Variants in PCSK5 observed in about 807,000 individuals in gnomAD.
PCSK5 encodes the protein prohormone convertase 5.
Under a neutral mutation model 233.2 loss-of-function variants are expected in PCSK5, and 129 were observed. The ratio of observed to expected loss-of-function variants is 0.55; its 90% confidence interval spans 0.48 to 0.64. The LOEUF (loss-of-function observed/expected upper bound fraction) is 0.64, where lower values mean the gene tolerates loss of function less well. Ranked by LOEUF, PCSK5 falls within the 30% of genes least tolerant of loss-of-function variation. PCSK5 has a pLI of 0.00. For missense variants in PCSK5, 2,076 were observed against 2,430.1 expected (o/e 0.85, Z 3.06); for synonymous variants, 825 against 879.2 (o/e 0.94, Z 1.09).
At chr9:76,106,698 C>T (rs553663678) in intron 8 of PCSK5, among the ~76,000 whole-genome samples, 74 of 152,280 alleles carry the variant, frequency 4.9e-4, no homozygotes, top group Non-Finnish European at 8.2e-4. Context: ...TGCAACATTT[C>T]TATTGATTCT....
intron 1 of PCSK5, among the ~76,000 whole-genome samples, chr9:75,906,599 G>A (rs1293998074): frequency 6.6e-6 from 1 of 152,146 alleles, no homozygotes; most frequent in Admixed American, 6.5e-5. Context: ...AAAGGAGATG[G>A]CAAATGCAAA....
intron 24 of PCSK5, among the ~76,000 whole-genome samples, chr9:76,255,743 G>A (rs1357325652): frequency 6.6e-6 from 1 of 152,164 alleles, no homozygotes; most frequent in Admixed American, 6.5e-5. Context: ...GCTGAGGCAG[G>A]AGGATTGGTT....
intron 7 of PCSK5, among the ~76,000 whole-genome samples, chr9:76,077,588 G>T (rs1411632826): frequency 5.9e-5 from 9 of 152,046 alleles, no homozygotes; most frequent in Non-Finnish European, 1.5e-5. Context: ...TGCAGTGTCT[G>T]TTGTTCCCAT....
intron 20 of PCSK5, among the ~76,000 whole-genome samples, chr9:76,210,379 G>A (rs61251827): frequency 4.6e-5 from 7 of 152,140 alleles, no homozygotes; most frequent in Admixed American, 1.3e-4. Flanking sequence ...GACAACTCCC[G>A]GGGGTCAGTT....
chr9:76,262,672 C>A (rs1364124719), intron 24 of PCSK5, among the ~76,000 whole-genome samples: 1 of 151,462 alleles, frequency 6.6e-6, no homozygotes. Context: ...ACCACAAAAA[C>A]CCTAGAAGAA....
chr9:76,193,434 A>AG (rs1824519879), intron 20 of PCSK5: 5 of 1,101,568 alleles, frequency 4.5e-6, no homozygotes, highest in Non-Finnish European at 6.1e-6. Context: ...AAAAGAAAAA[A>AG]AAAAAAAGCA....
chr9:76,292,995 A>G (rs1828324254), intron 25 of PCSK5, among the ~76,000 whole-genome samples: 1 of 152,178 alleles, frequency 6.6e-6, no homozygotes, highest in Non-Finnish European at 1.5e-5. Context: ...CGATCATTTT[A>G]TTGAGATTGT....
Position 76,321,653 on chromosome 9 carries a change from TC to T in PCSK5, c.4102+17del. On this transcript the variant is annotated intron_variant, in intron 31 of 37. Coordinates refer to ENST00000674117, the MANE Select transcript of PCSK5 (RefSeq NM_001372043.1). Reference sequence around the variant, plus strand: ...AAACATGCAAAGGTACCTAGGAGCTTCCCACAGGAGAGCAAGGCTCTGCTGA... The same window carrying T: ...AAACATGCAAAGGTACCTAGGAGCTTCCACAGGAGAGCAAGGCTCTGCTGA... 6.4e-7 allele frequency: 1 copy of T among 1,571,118 alleles called. No individual in the cohort carries two copies. Among genetic ancestry groups the T allele is most frequent in the Non-Finnish European group, 8.7e-7 (1 of 1,144,384 alleles).
At chr9:75,965,309 A>G (rs1277504936) in intron 2 of PCSK5, among the ~76,000 whole-genome samples, 1 of 151,164 alleles carries the variant, frequency 6.6e-6, no homozygotes, top group Non-Finnish European at 1.5e-5. Context: ...AGAGAGAAAG[A>G]GAGATACTAA....
intron 9 of PCSK5, among the ~76,000 whole-genome samples, chr9:76,109,432 ATT>A (rs869255908): frequency 0.098 from 2,627 of 26,904 alleles, 61 homozygotes; most frequent in African/African-American, 0.21. Flanking sequence ...TAACACTATT[ATT>A]TTTTTAAAAA....
At chr9:76,260,043 G>A (rs541914266) in intron 24 of PCSK5, among the ~76,000 whole-genome samples, 1 of 152,256 alleles carries the variant, frequency 6.6e-6, no homozygotes, top group African/African-American at 2.4e-5. Flanking sequence ...GTTTTCATTT[G>A]GTAAAGGATT....
chr9:76,145,039 C>T (rs954917000), intron 10 of PCSK5, among the ~76,000 whole-genome samples: 9 of 152,034 alleles, frequency 5.9e-5, no homozygotes, highest in Non-Finnish European at 1.0e-4. Flanking sequence ...GCAGGAGAAT[C>T]GCTTGAACCT....
intron 14 of PCSK5, among the ~76,000 whole-genome samples, chr9:76,176,685 C>A (rs1823631477): frequency 6.6e-6 from 1 of 152,052 alleles, no homozygotes; most frequent in African/African-American, 2.4e-5. Context: ...TATTTTTGGG[C>A]CTTGGTGCTC....
In PCSK5 at chr9:76,175,201, AGAATG is replaced by A. The variant is rs750691151; in HGVS notation, c.1900+88_1900+92del. ...GCATCATCCCACCACATGGGAGAAC[AGAATG>A]GAATGGAATGGAATGAAATGGAATG... On this transcript the variant is annotated intron_variant, in intron 14 of 37. Transcript: ENST00000674117. 597 of 1,258,620 alleles carry A rather than the reference AGAATG, an allele frequency of 4.7e-4. 2 individuals carry two copies. The highest frequency in any genetic ancestry group is 4.0e-3 in the Middle Eastern group (21 of 5,272). The allele number at this position is 1,258,620 out of a possible 1,614,324, so 78.0% of individuals were successfully genotyped here. A position where few individuals can be genotyped will look rare whatever the true frequency, so the allele number is the denominator to read the frequency against.
intron 5 of PCSK5, among the ~76,000 whole-genome samples, chr9:76,044,465 A>G (rs565771922): frequency 2.0e-5 from 3 of 152,344 alleles, no homozygotes; most frequent in East Asian, 3.9e-4. Flanking sequence ...CAAAGGTTGT[A>G]GGAATAACTT....
Position 76,189,230 on chromosome 9 carries a change from G to A in PCSK5, c.2510+7G>A, listed in dbSNP as rs1824249993. On this transcript the variant is annotated splice_region_variant and intron_variant, in intron 19 of 37. Coordinates refer to ENST00000674117, the MANE Select transcript of PCSK5 (RefSeq NM_001372043.1). ...GATACAAATCCTGCAAAAAGTAAGT[G>A]GATCTGCCCCCTGGGCCCTAGCATT... 6.2e-7 allele frequency: 1 copy of A among 1,611,666 alleles called. No individual in the cohort carries two copies. Among genetic ancestry groups the A allele is most frequent in the African/African-American group, 1.3e-5 (1 of 74,984 alleles).
chr9:76,031,906 G>T (rs1587524769), intron 5 of PCSK5, among the ~76,000 whole-genome samples: 1 of 152,226 alleles, frequency 6.6e-6, no homozygotes, highest in African/African-American at 2.4e-5. Context: ...AAGACTTGGG[G>T]TTTATTTCCG....
At chr9:76,007,814 G>GTGTGTA (rs1348904868) in intron 3 of PCSK5, among the ~76,000 whole-genome samples, 2 of 150,538 alleles carry the variant, frequency 1.3e-5, no homozygotes, top group African/African-American at 4.9e-5. Flanking sequence ...GTGTGTGTGT[G>GTGTGTA]TGTGTGTGTG....
chr9:76,315,359 T>G (rs894750900), intron 30 of PCSK5, among the ~76,000 whole-genome samples: 1 of 152,194 alleles, frequency 6.6e-6, no homozygotes, highest in Non-Finnish European at 1.5e-5. Flanking sequence ...AAAACAGCCT[T>G]CCTTTAAGTG....
Sources: gnomAD v4.1 joint callset for allele counts (sites outside exome capture counted in the v4.1 genomes callset) on GRCh38, gnomAD v4.1.1 for gene constraint, MANE v1.5 for transcripts, NCBI Gene and HGNC (gene_info 2026-07-23, HGNC 2026-07-21) for gene names.